Variants in STK3 observed in about 807,000 individuals in gnomAD.
STK3 encodes the protein serine/threonine kinase 3.
In STK3, 41 loss-of-function variants were observed where a neutral mutation model predicts 58.0. The observed-to-expected ratio is 0.71, with a 90% CI of 0.55 to 0.92. The LOEUF is 0.92. Ranked by LOEUF, STK3 falls within the 40% of genes least tolerant of loss-of-function variation. The pLI, the probability that STK3 is intolerant of heterozygous loss-of-function variation, is 0.00. For missense variants in STK3, 479 were observed against 602.7 expected (o/e 0.79, Z 2.15); for synonymous variants, 170 against 191.0 (o/e 0.89, Z 0.91).
At chr8:98,859,029 A>T (rs930493563) in intron 3 of STK3, among the ~76,000 whole-genome samples, 2 of 152,218 alleles carry the variant, frequency 1.3e-5, no homozygotes, top group African/African-American at 4.8e-5. Context: ...ATCATTCTTG[A>T]CTATTCTTTC....
At chr8:98,410,213 C>T (rs1387004659) in intron 3 of STK3, among the ~76,000 whole-genome samples, 1 of 152,084 alleles carries the variant, frequency 6.6e-6, no homozygotes, top group Non-Finnish European at 1.5e-5. Context: ...TGGGAGAGTC[C>T]ACAGGCCAAG....
chr8:98,427,770 C>T, intron 3 of STK3: 1 of 549,136 alleles, frequency 1.8e-6, no homozygotes. Context: ...ACATACCCAC[C>T]CCCAGCCTTT....
At chr8:98,873,841 C>T (rs1040355207) in intron 3 of STK3, among the ~76,000 whole-genome samples, 7 of 152,180 alleles carry the variant, frequency 4.6e-5, no homozygotes, top group Admixed American at 3.3e-4. Context: ...AGCCCATTTA[C>T]ATTTAAGGTT....
At chr8:98,660,042 T>C (rs1272659394) in intron 6 of STK3, among the ~76,000 whole-genome samples, 1 of 151,896 alleles carries the variant, frequency 6.6e-6, no homozygotes, top group African/African-American at 2.4e-5. Context: ...AGACGATGAA[T>C]GGATAAACAA....
intron 10 of STK3, among the ~76,000 whole-genome samples, chr8:98,499,270 A>G (rs762189321): frequency 6.6e-6 from 1 of 152,202 alleles, no homozygotes; most frequent in South Asian, 2.1e-4. Flanking sequence ...ATTTAGCCCC[A>G]TAAGACTTAG....
intron 3 of STK3, among the ~76,000 whole-genome samples, chr8:98,760,396 T>C (rs979070242): frequency 2.0e-5 from 3 of 152,180 alleles, no homozygotes; most frequent in Non-Finnish European, 2.9e-5. Flanking sequence ...TGCTTTGGCC[T>C]CCCAAAGCAC....
At chr8:98,525,938 G>A (rs1055790660) in intron 10 of STK3, among the ~76,000 whole-genome samples, 47 of 151,388 alleles carry the variant, frequency 3.1e-4, no homozygotes, top group Admixed American at 3.9e-4. Flanking sequence ...TTATCCATAC[G>A]TTTATTAATA....
the STK3 span, among the ~76,000 whole-genome samples, chr8:98,363,299 A>T: frequency 6.6e-6 from 1 of 152,324 alleles, no homozygotes; most frequent in South Asian, 2.1e-4. Flanking sequence ...GCCAGTGGTC[A>T]GGAAACATAT....
intron 6 of STK3, among the ~76,000 whole-genome samples, chr8:98,656,491 A>C (rs1256516065): frequency 4.6e-5 from 7 of 152,112 alleles, no homozygotes; most frequent in Non-Finnish European, 8.8e-5. Flanking sequence ...ATAATAAAAA[A>C]AAAAGTTTCC....
intron 10 of STK3, among the ~76,000 whole-genome samples, chr8:98,484,594 C>G (rs1173241611): frequency 1.3e-5 from 2 of 151,860 alleles, no homozygotes; most frequent in African/African-American, 4.8e-5. Flanking sequence ...AACGATTTCA[C>G]CATTTACTAT....
At position 98,891,758 on chromosome 8, in the gene STK3, G is replaced by A. The variant is rs79649327; in HGVS notation, c.-78-7924C>T. 3.5e-3 allele frequency among the ~76,000 whole-genome samples: 539 copies of A among 152,218 alleles called. 3 individuals are homozygous for A. The highest frequency in any genetic ancestry group is 0.012 in the African/African-American group (478 of 41,534). On this transcript the variant is annotated intron_variant, in intron 1 of 1. Coordinates refer to the STK3 transcript ENST00000519420. ...AGTGCTTCCACTATAAACAGGAGGC[G>A]GGAAGAATGGGATCTAGAGGGAATA...
At chr8:98,741,420 T>C (rs1465940915) in intron 4 of STK3, among the ~76,000 whole-genome samples, 1 of 152,070 alleles carries the variant, frequency 6.6e-6, no homozygotes, top group East Asian at 1.9e-4. Flanking sequence ...ACAATCAAAC[T>C]AGAACTCAGG....
At chr8:98,742,884 T>A (rs1829331006) in intron 4 of STK3, among the ~76,000 whole-genome samples, 1 of 152,148 alleles carries the variant, frequency 6.6e-6, no homozygotes, top group South Asian at 2.1e-4. Context: ...CAGCAAAGTC[T>A]CAGGATACAA....
At chr8:98,796,299 T>G (rs549780596) in intron 1 of STK3, among the ~76,000 whole-genome samples, 1 of 152,036 alleles carries the variant, frequency 6.6e-6, no homozygotes, top group East Asian at 1.9e-4. Context: ...AACAGACACA[T>G]AGACCAATGG....
intron 6 of STK3, among the ~76,000 whole-genome samples, chr8:98,653,862 C>A (rs1563852120): frequency 6.6e-6 from 1 of 151,238 alleles, no homozygotes; most frequent in African/African-American, 2.4e-5. Context: ...ACCAAAAAAA[C>A]TCCAGGACCA....
intron 6 of STK3, among the ~76,000 whole-genome samples, chr8:98,661,906 T>C (rs1167448651): frequency 1.3e-5 from 2 of 152,082 alleles, no homozygotes; most frequent in Non-Finnish European, 2.9e-5. Flanking sequence ...CCAATAATGC[T>C]GAGTTATATC....
At chr8:98,623,398 G>A (rs1428300421) in intron 6 of STK3, among the ~76,000 whole-genome samples, 1 of 152,100 alleles carries the variant, frequency 6.6e-6, no homozygotes, top group East Asian at 1.9e-4. Context: ...AGGTATTAAG[G>A]TTAAATGAGG....
intron 4 of STK3, among the ~76,000 whole-genome samples, chr8:98,739,905 C>T (rs1187512559): frequency 6.6e-6 from 1 of 151,240 alleles, no homozygotes; most frequent in Non-Finnish European, 1.5e-5. Context: ...CTTAAAGGAG[C>T]TGATGGAGCT....
At chr8:98,581,934 G>A (rs773497442) in intron 7 of STK3, among the ~76,000 whole-genome samples, 1 of 151,926 alleles carries the variant, frequency 6.6e-6, no homozygotes, top group Non-Finnish European at 1.5e-5. Context: ...TCTGTCCAGC[G>A]GCAGAAATGC....
Sources: gnomAD v4.1 joint callset for allele counts (sites outside exome capture counted in the v4.1 genomes callset) on GRCh38, gnomAD v4.1.1 for gene constraint, MANE v1.5 for transcripts, NCBI Gene and HGNC (gene_info 2026-07-23, HGNC 2026-07-21) for gene names.